Variants in UPB1 observed in about 807,000 individuals in gnomAD.
The protein encoded by UPB1 is beta-ureidopropionase 1.
UPB1 carries 40 observed loss-of-function variants against 49.1 expected under a neutral mutation model. That is an observed-to-expected ratio of 0.81 (90% CI 0.63 to 1.06). The LOEUF is 1.06. Among genes scored for constraint, UPB1 ranks in the 50% least tolerant of loss-of-function variants. The pLI is 0.00. For synonymous variants in UPB1, 207 were observed against 198.2 expected, an observed-to-expected ratio of 1.04 and a Z score of -0.38; for missense variants, 499 against 505.9, an observed-to-expected ratio of 0.99 and a Z score of 0.13.
At chr22:24,513,252 C>A in intron 4 of UPB1, 72 bp from the exon 5 acceptor site, 1 of 1,609,200 alleles carries the variant, frequency 6.2e-7, no homozygotes, top group Non-Finnish European at 8.5e-7. Context: ...TTAGTAGGAT[C>A]ATTCTTCTTT....
At chr22:24,525,613 C>A in intron 9 of UPB1, 98 bp from the exon 10 acceptor site, 1 of 1,429,168 alleles carries the variant, frequency 7.0e-7, no homozygotes, top group African/African-American at 1.4e-5. Flanking sequence ...TGCGTTCCTG[C>A]CCCATGACTG....
At chr22:24,523,922 C>A in intron 9 of UPB1, 149 bp downstream of exon 9, 1 of 1,233,438 alleles carries the variant, frequency 8.1e-7, no homozygotes, top group Non-Finnish European at 1.2e-6. Flanking sequence ...TGAATCTCTG[C>A]CTCCTTGCTG....
chr22:24,501,246 A>G (rs1422405162), intron 2 of UPB1, among the ~76,000 whole-genome samples: 1 of 152,156 alleles, frequency 6.6e-6, no homozygotes, highest in African/African-American at 2.4e-5. Context: ...CATGGGGTGC[A>G]CAGCCTCTCA....
chr22:24,497,100 A>G (rs2043905740), intron 1 of UPB1, among the ~76,000 whole-genome samples: 1 of 152,110 alleles, frequency 6.6e-6, no homozygotes, highest in Non-Finnish European at 1.5e-5. Context: ...TAACAGCTTC[A>G]GTGATGGATG....
Position 24,522,714 on chromosome 22 carries a change from C to T in UPB1, c.916+686C>T, listed in dbSNP as rs1367300274. Among the ~76,000 whole-genome samples the T allele has an allele frequency of 4.6e-5, 7 of 151,092 alleles. No homozygotes were observed. In the East Asian group the frequency reaches 1.4e-3, roughly 29 times the overall value. ...TGGGAGGCTGAGGCGGGCGGATCAC[C>T]TGAGGTTGGGAGTTTGAGGCCAGCC... On this transcript the variant is annotated intron_variant, in intron 8 of 9. Coordinates refer to ENST00000326010, the MANE Select transcript of UPB1 (RefSeq NM_016327.3).
At position 24,507,161 on chromosome 22, in the gene UPB1, A is replaced by T. The variant is rs1422425099; in HGVS notation, c.365-3588A>T. Among the ~76,000 whole-genome samples the T allele has an allele frequency of 3.9e-5, 6 of 152,340 alleles. No homozygotes were observed. The East Asian group carries it at 1.2e-3, about 29-fold the overall frequency. On this transcript the variant is annotated intron_variant, in intron 3 of 9. Transcript: ENST00000326010. ...GTGTAAACAGGAAAAGAAGCTGCTT[A>T]TTCTCTGGGGGCACTTGACTCACTC...
chr22:24,521,622 T>G (rs539870924), intron 7 of UPB1, among the ~76,000 whole-genome samples: 1 of 152,268 alleles, frequency 6.6e-6, no homozygotes, highest in South Asian at 2.1e-4. Context: ...CCCACTGCCT[T>G]CACACACCCC....
At chr22:24,520,117 G>GT (rs1568994730) in intron 6 of UPB1, 1 of 533,170 alleles carries the variant, frequency 1.9e-6, no homozygotes, top group Non-Finnish European at 3.4e-6. Flanking sequence ...GCACAGCCAC[G>GT]TGGCTTATGC....
rs2044475082 is a variant in UPB1, at chr22:24,525,883, C to G, written c.*89C>G. On this transcript the variant is annotated 3_prime_UTR_variant, in exon 10 of 10. Transcript: ENST00000326010. The stretch of plus-strand genomic sequence containing the variant: ...GCAGGCTTAACATGTCCAGGTTCTC[C>G]CCAATAACATTGTCCAGGTTGGTTT... The G allele has an allele frequency of 2.0e-6, 3 of 1,521,952 alleles. No homozygotes were observed. In the South Asian group the frequency reaches 3.4e-5, roughly 17 times the overall value. The allele number at this position is 1,521,952 out of a possible 1,614,324, so 94.3% of individuals were successfully genotyped here.
At chr22:24,517,953 T>C (rs1426339392) in intron 6 of UPB1, among the ~76,000 whole-genome samples, 2 of 152,168 alleles carry the variant, frequency 1.3e-5, no homozygotes, top group African/African-American at 2.4e-5. Context: ...TCACTTGAGG[T>C]CAGGAGTTTG....
At chr22:24,511,620 T>TATA (rs1447450991) in intron 4 of UPB1, among the ~76,000 whole-genome samples, 11 of 127,406 alleles carry the variant, frequency 8.6e-5, no homozygotes, top group African/African-American at 3.2e-4. Context: ...ATATATATAT[T>TATA]TTTTTTTTTT....
At position 24,500,132 on chromosome 22, in the gene UPB1, T is replaced by G. The variant is rs771888205; in HGVS notation, c.130T>G (p.Phe44Val). 6.2e-6 allele frequency: 10 copies of G among 1,614,194 alleles called. No individual in the cohort carries two copies. In the East Asian group the frequency reaches 2.2e-4, roughly 36 times the overall value. The part of the protein sequence containing the change: ...LRKLDLPREA[F>V]EAASREDFEL... ...GAAGCTTGATCTGCCCAGGGAAGCTTTCGAAGCTGCCTCCAGAGAAGACTT... is the reference window on the plus strand; with the variant it reads ...GAAGCTTGATCTGCCCAGGGAAGCTGTCGAAGCTGCCTCCAGAGAAGACTT... Residue 44 changes from phenylalanine to valine, a missense_variant, in exon 2 of 10, where the codon TTC (phenylalanine) becomes GTC (valine). By Grantham distance (50) the Phe-to-Val change is conservative (BLOSUM62 -1). Transcript: ENST00000326010.
At chr22:24,518,652 G>A (rs1256008596) in intron 6 of UPB1, among the ~76,000 whole-genome samples, 2 of 152,134 alleles carry the variant, frequency 1.3e-5, no homozygotes, top group Non-Finnish European at 2.9e-5. Flanking sequence ...CACACACATG[G>A]GTCAGCAGGG....
chr22:24,509,748 A>G (rs1363136722), intron 3 of UPB1, among the ~76,000 whole-genome samples: 1 of 152,122 alleles, frequency 6.6e-6, no homozygotes, highest in Admixed American at 6.5e-5. Context: ...GATATACATT[A>G]ACAATATTTA....
Position 24,510,741 on chromosome 22 carries a change from A to G in UPB1, c.365-8A>G, listed in dbSNP as rs370760045. On this transcript the variant is annotated splice_polypyrimidine_tract_variant and splice_region_variant and intron_variant, in intron 3 of 9. Coordinates refer to ENST00000326010, the MANE Select transcript of UPB1 (RefSeq NM_016327.3). ...TGGATATAATTCTGCCCTTTCTCCT[A>G]TTTATAGCTATGCCCTTTGCCTTCT... is the stretch of plus-strand genomic sequence containing the variant. 49 of 1,613,748 alleles carry G rather than the reference A, an allele frequency of 3.0e-5. No homozygotes were observed. Among genetic ancestry groups the G allele is most frequent in the Admixed American group, 2.2e-4 (13 of 59,986 alleles).
At chr22:24,503,948 A>T (rs556711732) in intron 3 of UPB1, among the ~76,000 whole-genome samples, 8 of 152,372 alleles carry the variant, frequency 5.3e-5, no homozygotes, top group African/African-American at 1.9e-4. Context: ...CGGTGGAAAC[A>T]CAAAGTTGGG....
chr22:24,499,101 T>G (rs1321650791), intron 1 of UPB1, among the ~76,000 whole-genome samples: 3 of 152,122 alleles, frequency 2.0e-5, no homozygotes, highest in African/African-American at 7.2e-5. Flanking sequence ...GCAGGCTGAT[T>G]GTCAGGGGCG....
chr22:24,513,369 C>A lies in UPB1; in HGVS notation c.505C>A (p.Arg169=), dbSNP rs770644036. 1 of 1,614,158 alleles carries A rather than the reference C, an allele frequency of 6.2e-7. No homozygotes were observed. Among genetic ancestry groups the A allele is most frequent in the Non-Finnish European group, 8.5e-7 (1 of 1,180,034 alleles). The change falls in exon 5 of 10, where the codon CGA becomes AGA. Residue 169 remains arginine (R), a synonymous_variant. Coordinates refer to ENST00000326010, the MANE Select transcript of UPB1 (RefSeq NM_016327.3). ...DMVVVSPILE[R]DSEHGDVLWN... The stretch of plus-strand genomic sequence containing the variant: ...GGTGGTGGTGTCTCCCATCCTGGAA[C>A]GAGACAGCGAGCATGGGGATGTTTT...
At chr22:24,496,454 A>G (rs1240291990) in intron 1 of UPB1, among the ~76,000 whole-genome samples, 3 of 151,824 alleles carry the variant, frequency 2.0e-5, no homozygotes, top group Non-Finnish European at 4.4e-5. Flanking sequence ...TTACTTGGAT[A>G]ATCCCGGATG....
Sources: allele counts gnomAD v4.1 joint callset (sites outside exome capture counted in the v4.1 genomes callset), GRCh38; gene constraint gnomAD v4.1.1; transcripts MANE v1.5; gene names NCBI Gene and HGNC (gene_info 2026-07-23, HGNC 2026-07-21).